The following SNX29 variants were observed in gnomAD, a reference collection of about 807,000 sequenced individuals.
The protein encoded by SNX29 is sorting nexin 29, also known as sorting nexin-29.
A neutral mutation model predicts 102.1 loss-of-function variants in SNX29; 78 were observed. The observed-to-expected ratio is 0.76, with a 90% CI of 0.64 to 0.92. SNX29 has a LOEUF of 0.92. Among genes scored for constraint, SNX29 ranks in the 40% least tolerant of loss-of-function variants. SNX29 has a pLI of 0.00. For missense variants in SNX29, 1,280 were observed against 1,061.7 expected (o/e 1.21, Z -2.86); for synonymous variants, 580 against 414.5 (o/e 1.40, Z -4.85).
At chr16:12,062,045 T>C (rs961101775) in intron 9 of SNX29, among the ~76,000 whole-genome samples, 2 of 152,162 alleles carry the variant, frequency 1.3e-5, no homozygotes, top group African/African-American at 2.4e-5. Flanking sequence ...TGCCACCCTG[T>C]GCAGAAAAGT....
chr16:12,163,252 G>C (rs2055868394), intron 13 of SNX29, among the ~76,000 whole-genome samples: 1 of 152,198 alleles, frequency 6.6e-6, no homozygotes, highest in Admixed American at 6.5e-5. Context: ...TCACCCTGCT[G>C]AGAAAGGCGG....
intron 13 of SNX29, among the ~76,000 whole-genome samples, chr16:12,170,391 C>T (rs188204220): frequency 6.6e-6 from 1 of 151,952 alleles, no homozygotes; most frequent in East Asian, 1.9e-4. Context: ...GGATCCAGAC[C>T]CATGGAGCAA....
chr16:12,052,283 C>G, intron 8 of SNX29, 61 bp downstream of exon 8: 3 of 1,578,568 alleles, frequency 1.9e-6, no homozygotes, highest in Non-Finnish European at 2.6e-6. Context: ...GTGGCGTGAT[C>G]TCAGCTCACT....
chr16:11,976,866 G>A (rs972010842), intron 1 of SNX29, 53 bp downstream of exon 1: 9 of 1,323,678 alleles, frequency 6.8e-6, no homozygotes, highest in Non-Finnish European at 7.7e-6. Flanking sequence ...GGCTCCCGCC[G>A]CTCCAGCTGC....
At chr16:12,172,846 T>C (rs762568616) in intron 13 of SNX29, among the ~76,000 whole-genome samples, 10 of 152,328 alleles carry the variant, frequency 6.6e-5, no homozygotes, top group African/African-American at 1.9e-4. Flanking sequence ...CAGTGTTCTA[T>C]GTGAAGATGG....
Position 12,049,763 on chromosome 16 carries a change from T to C in SNX29, c.748+1143T>C, listed in dbSNP as rs147816008. Among the ~76,000 whole-genome samples the C allele has an allele frequency of 6.3e-3, 959 of 152,052 alleles. 12 individuals are homozygous for C. The highest frequency in any genetic ancestry group is 0.021 in the African/African-American group (877 of 41,448). On this transcript the variant is annotated intron_variant, in intron 7 of 20. Transcript: ENST00000566228. Reference sequence around the variant, plus strand: ...ACATTAAGATGTTACTACAGCAAAATTGGAAATTTTGTTGTAGTATGTATG... The same window carrying C: ...ACATTAAGATGTTACTACAGCAAAACTGGAAATTTTGTTGTAGTATGTATG...
At chr16:12,107,721 C>T (rs1261924813) in intron 11 of SNX29, among the ~76,000 whole-genome samples, 2 of 152,050 alleles carry the variant, frequency 1.3e-5, no homozygotes, top group African/African-American at 4.8e-5. Flanking sequence ...GTGGTGGGCA[C>T]CGTGGATGTG....
chr16:12,411,994 C>G (rs1410063667), intron 18 of SNX29, among the ~76,000 whole-genome samples: 1 of 152,218 alleles, frequency 6.6e-6, no homozygotes, highest in Non-Finnish European at 1.5e-5. Flanking sequence ...GCATCTCCTT[C>G]ACCAAGGGCT....
chr16:12,450,074 T>C (rs2151710063), intron 18 of SNX29, among the ~76,000 whole-genome samples: 1 of 152,330 alleles, frequency 6.6e-6, no homozygotes, highest in East Asian at 1.9e-4. Context: ...TGCTTATTCT[T>C]GTTCTCTCTT....
chr16:12,267,508 A>C (rs2078963421), intron 14 of SNX29, among the ~76,000 whole-genome samples: 1 of 152,106 alleles, frequency 6.6e-6, no homozygotes, highest in South Asian at 2.1e-4. Flanking sequence ...GGGGTCCTTT[A>C]GGCAGTAGCC....
chr16:12,456,382 A>G (rs1037832573), intron 18 of SNX29, among the ~76,000 whole-genome samples: 2 of 152,222 alleles, frequency 1.3e-5, no homozygotes, highest in African/African-American at 4.8e-5. Flanking sequence ...ACAGCACGAT[A>G]CTGGAAAAAA....
At chr16:12,453,485 C>T (rs143578009) in intron 18 of SNX29, among the ~76,000 whole-genome samples, 63 of 152,054 alleles carry the variant, frequency 4.1e-4, no homozygotes, top group African/African-American at 1.3e-3. Flanking sequence ...GTTGTGAAAA[C>T]GAAGAGAAGT....
At chr16:12,521,904 G>A (rs1481374729) in intron 19 of SNX29, among the ~76,000 whole-genome samples, 2 of 152,222 alleles carry the variant, frequency 1.3e-5, no homozygotes, top group Non-Finnish European at 2.9e-5. Context: ...CAGGGTGTGA[G>A]ATGTTAGCCA....
chr16:12,411,668 A>T (rs768573860), intron 18 of SNX29, among the ~76,000 whole-genome samples: 5 of 152,192 alleles, frequency 3.3e-5, no homozygotes, highest in Non-Finnish European at 5.9e-5. Context: ...GCCAAACTTG[A>T]CATTGAGCTG....
chr16:12,563,320 G>T (rs1481296123), intron 20 of SNX29, among the ~76,000 whole-genome samples: 1 of 152,178 alleles, frequency 6.6e-6, no homozygotes, highest in Non-Finnish European at 1.5e-5. Flanking sequence ...TGACTGGAGA[G>T]AGTCACCGTC....
chr16:12,329,276 C>A (rs867588476), intron 15 of SNX29, among the ~76,000 whole-genome samples: 232 of 88,818 alleles, frequency 2.6e-3, no homozygotes, highest in Middle Eastern at 7.8e-3. Context: ...GACCTTGTCT[C>A]AAAAAAAAAA....
At chr16:12,345,245 A>C (rs1165014295) in intron 15 of SNX29, among the ~76,000 whole-genome samples, 3 of 152,212 alleles carry the variant, frequency 2.0e-5, no homozygotes, top group Non-Finnish European at 2.9e-5. Flanking sequence ...GGGGAGCCTC[A>C]TGTAACAGAT....
Position 12,550,998 on chromosome 16 carries a change from A to G in SNX29, c.2319-17508A>G, listed in dbSNP as rs72773372. Among the ~76,000 whole-genome samples, 624 of 152,308 alleles carry G rather than the reference A, an allele frequency of 4.1e-3. 4 individuals are homozygous for G. Among genetic ancestry groups the G allele is most frequent in the Admixed American group, 6.6e-3 (101 of 15,306 alleles). ...AACAAAAAGCTGTTTCTCAATCTAA[A>G]TATTTCTTCTCTGGCCGAGTGATGG... On this transcript the variant is annotated intron_variant, in intron 20 of 20. Coordinates refer to ENST00000566228, the MANE Select transcript of SNX29 (RefSeq NM_032167.5).
At chr16:12,314,894 G>A (rs2080681517) in intron 15 of SNX29, among the ~76,000 whole-genome samples, 1 of 152,170 alleles carries the variant, frequency 6.6e-6, no homozygotes, top group Non-Finnish European at 1.5e-5. Flanking sequence ...TCTCCTACCG[G>A]GAGGCCTGTG....
Sources: gnomAD v4.1 joint callset for allele counts (sites outside exome capture counted in the v4.1 genomes callset) on GRCh38, gnomAD v4.1.1 for gene constraint, MANE v1.5 for transcripts, NCBI Gene and HGNC (gene_info 2026-07-23, HGNC 2026-07-21) for gene names.